The following ESR1 variants were observed in gnomAD, a reference collection of about 807,000 sequenced individuals.
The protein encoded by ESR1 is estrogen receptor 1.
In ESR1, 12 loss-of-function variants were observed where a neutral mutation model predicts 52.7. That is an observed-to-expected ratio of 0.23 (90% CI 0.15 to 0.37). ESR1 has a LOEUF of 0.37. ESR1 is among the 10% of genes least tolerant of loss of function. The pLI, the probability that ESR1 is intolerant of heterozygous loss-of-function variation, is 1.00. For synonymous variants in ESR1, 305 were observed against 316.8 expected, an observed-to-expected ratio of 0.96 and a Z score of 0.39; for missense variants, 584 against 779.7, an observed-to-expected ratio of 0.75 and a Z score of 2.99.
At chr6:152,085,627 C>A (rs552485574) in intron 6 of ESR1, among the ~76,000 whole-genome samples, 6 of 152,202 alleles carry the variant, frequency 3.9e-5, no homozygotes, top group African/African-American at 1.4e-4. Context: ...ACTGGGAGAC[C>A]TGTCTGATAT....
intron 2 of ESR1, among the ~76,000 whole-genome samples, chr6:151,871,375 C>T (rs1790938280): frequency 6.6e-6 from 1 of 151,956 alleles, no homozygotes; most frequent in Non-Finnish European, 1.5e-5. Context: ...TTTTCATCCT[C>T]CCAAAGTGAA....
chr6:151,794,770 T>TC (rs1450277887), intron 2 of ESR1, among the ~76,000 whole-genome samples: 15 of 152,152 alleles, frequency 9.9e-5, no homozygotes, highest in African/African-American at 3.6e-4. Context: ...GTGTTAACGT[T>TC]CTCCACACCT....
intron 1 of ESR1, among the ~76,000 whole-genome samples, chr6:151,830,647 T>G (rs1008849691): frequency 6.6e-6 from 1 of 152,198 alleles, no homozygotes; most frequent in African/African-American, 2.4e-5. Flanking sequence ...AAACTCAGCT[T>G]GGGTCATCTG....
intron 2 of ESR1, among the ~76,000 whole-genome samples, chr6:151,792,113 C>A (rs758306101): frequency 1.3e-5 from 2 of 152,240 alleles, no homozygotes; most frequent in African/African-American, 4.8e-5. Context: ...CTGAATACTG[C>A]GGCAACTATA....
intron 5 of ESR1, among the ~76,000 whole-genome samples, chr6:152,051,214 C>G (rs1353953339): frequency 6.6e-6 from 1 of 152,140 alleles, no homozygotes; most frequent in African/African-American, 2.4e-5. Flanking sequence ...ATACTAAGCC[C>G]CATAATCAGT....
rs147536093 is a variant in ESR1, at chr6:151,868,272, C to T, written c.644-12383C>T. Among the ~76,000 whole-genome samples the T allele has an allele frequency of 6.6e-3, 1,010 of 152,180 alleles. 15 individuals carry two copies. Among genetic ancestry groups the T allele is most frequent in the African/African-American group, 0.023 (962 of 41,516 alleles). ...CCTCCCAAGTAGCTGGGACTACAGG[C>T]GTACACCACCATGCCCGGCTAATTT... On this transcript the variant is annotated intron_variant, in intron 2 of 7. Transcript: ENST00000206249.
chr6:151,844,548 G>T (rs1429739250), intron 2 of ESR1, among the ~76,000 whole-genome samples: 1 of 152,184 alleles, frequency 6.6e-6, no homozygotes, highest in Non-Finnish European at 1.5e-5. Context: ...AGTCTCTGTT[G>T]CAGCTACCGA....
chr6:151,683,458 C>CAA (rs201266524), intron 1 of ESR1, among the ~76,000 whole-genome samples: 242 of 101,948 alleles, frequency 2.4e-3, no homozygotes, highest in African/African-American at 7.6e-3. Flanking sequence ...TTCATTTGAT[C>CAA]AAAAAAAAAA....
chr6:152,079,723 C>T (rs2049036992), intron 6 of ESR1, among the ~76,000 whole-genome samples: 1 of 152,104 alleles, frequency 6.6e-6, no homozygotes, highest in Admixed American at 6.5e-5. Context: ...TAACCCATCG[C>T]AAGGAGGCTA....
intron 6 of ESR1, among the ~76,000 whole-genome samples, chr6:152,090,092 G>A (rs1267448237): frequency 1.3e-5 from 2 of 152,150 alleles, no homozygotes; most frequent in Non-Finnish European, 2.9e-5. Context: ...ACAATCATAG[G>A]AGAAGCATAC....
intron 5 of ESR1, among the ~76,000 whole-genome samples, chr6:152,055,744 C>G (rs2047048687): frequency 6.6e-6 from 1 of 152,200 alleles, no homozygotes; most frequent in African/African-American, 2.4e-5. Context: ...GACCACTTCC[C>G]CAGGCATGTA....
chr6:151,985,229 G>A lies in ESR1; in HGVS notation c.1097-26427G>A, dbSNP rs566070397. Among the ~76,000 whole-genome samples the A allele has an allele frequency of 1.9e-3, 284 of 152,148 alleles. 2 individuals are homozygous for A. Among genetic ancestry groups the A allele is most frequent in the Non-Finnish European group, 3.7e-3 (254 of 68,010 alleles). Reference sequence around the variant, plus strand: ...TTTGAAAATAAGCCTGATCTGGCTGGGCGTGGTGGCTTATGCCTGTAATCC... The same window carrying A: ...TTTGAAAATAAGCCTGATCTGGCTGAGCGTGGTGGCTTATGCCTGTAATCC... On this transcript the variant is annotated intron_variant, in intron 4 of 7. Transcript: ENST00000206249.
intron 6 of ESR1, among the ~76,000 whole-genome samples, chr6:152,122,965 C>T (rs575893253): frequency 2.6e-5 from 4 of 152,302 alleles, no homozygotes; most frequent in Admixed American, 2.0e-4. Context: ...TTTCTATCAA[C>T]GAAAATAACT....
intron 3 of ESR1, among the ~76,000 whole-genome samples, chr6:151,941,249 C>T (rs537397679): frequency 2.0e-5 from 3 of 152,132 alleles, no homozygotes; most frequent in East Asian, 3.9e-4. Flanking sequence ...TCTGTAGATC[C>T]GCTATTAAAG....
At chr6:152,034,900 C>T (rs1451857149) in intron 5 of ESR1, among the ~76,000 whole-genome samples, 1 of 152,190 alleles carries the variant, frequency 6.6e-6, no homozygotes, top group Non-Finnish European at 1.5e-5. Flanking sequence ...AAGGATTCTT[C>T]TTCTTTGCTG....
intron 6 of ESR1, among the ~76,000 whole-genome samples, chr6:152,062,545 C>T (rs1375859876): frequency 1.3e-5 from 2 of 152,226 alleles, no homozygotes; most frequent in Non-Finnish European, 2.9e-5. Context: ...TTTCCACTCA[C>T]GTGCATTGTG....
chr6:151,819,404 G>A (rs550180674), intron 1 of ESR1, among the ~76,000 whole-genome samples: 1 of 152,322 alleles, frequency 6.6e-6, no homozygotes, highest in South Asian at 2.1e-4. Flanking sequence ...CAGGAGGTGA[G>A]CAGTGGGCAT....
intron 2 of ESR1, among the ~76,000 whole-genome samples, chr6:151,870,511 C>T (rs1468271310): frequency 6.6e-6 from 1 of 152,210 alleles, no homozygotes; most frequent in Admixed American, 6.5e-5. Context: ...CCATGGCACT[C>T]CTGAAAGACT....
chr6:152,089,453 A>G (rs994201179), intron 6 of ESR1, among the ~76,000 whole-genome samples: 32 of 152,388 alleles, frequency 2.1e-4, no homozygotes, highest in African/African-American at 7.5e-4. Flanking sequence ...TTCAATTGCC[A>G]AATTGCATAA....
Sources: gnomAD v4.1 joint callset for allele counts (sites outside exome capture counted in the v4.1 genomes callset) on GRCh38, gnomAD v4.1.1 for gene constraint, MANE v1.5 for transcripts, NCBI Gene and HGNC (gene_info 2026-07-23, HGNC 2026-07-21) for gene names.